The following EFCAB6 variants were observed in gnomAD, a reference collection of about 807,000 sequenced individuals.
The protein encoded by EFCAB6 is EF-hand calcium binding domain 6, also known as EF-hand calcium-binding domain-containing protein 6.
In EFCAB6, 156 loss-of-function variants were observed where a neutral mutation model predicts 169.8. The observed-to-expected ratio is 0.92, with a 90% CI of 0.81 to 1.05. The LOEUF (loss-of-function observed/expected upper bound fraction) is 1.05, where lower values mean the gene tolerates loss of function less well. EFCAB6 is among the 50% of genes least tolerant of loss of function. The pLI, the probability that EFCAB6 is intolerant of heterozygous loss-of-function variation, is 0.00. For synonymous variants in EFCAB6, 698 were observed against 676.4 expected, an observed-to-expected ratio of 1.03 and a Z score of -0.50; for missense variants, 1,800 against 1,829.1, an observed-to-expected ratio of 0.98 and a Z score of 0.29.
At chr22:43,595,504 G>A (rs1361497006) in intron 23 of EFCAB6, among the ~76,000 whole-genome samples, 1 of 151,878 alleles carries the variant, frequency 6.6e-6, no homozygotes, top group African/African-American at 2.4e-5. Flanking sequence ...CTGACAAATG[G>A]GAAAACCTAG....
intron 15 of EFCAB6, 133 bp from the exon 16 acceptor site, chr22:43,669,178 C>T: frequency 2.9e-6 from 2 of 699,054 alleles, no homozygotes; most frequent in Non-Finnish European, 4.3e-6. Context: ...TAAAATGGTA[C>T]AACCACTCCA....
chr22:43,706,230 G>A (rs568022850), intron 10 of EFCAB6, among the ~76,000 whole-genome samples: 29 of 152,160 alleles, frequency 1.9e-4, no homozygotes, highest in Non-Finnish European at 3.2e-4. Flanking sequence ...ATACCACGTG[G>A]GGCAGTCCTT....
At chr22:43,803,869 C>T (rs569398800) in intron 2 of EFCAB6, among the ~76,000 whole-genome samples, 78 of 152,228 alleles carry the variant, frequency 5.1e-4, no homozygotes, top group Non-Finnish European at 9.8e-4. Context: ...CTTCAGAATA[C>T]GCATTTCATT....
chr22:43,745,785 A>G (rs1392390237), intron 6 of EFCAB6, among the ~76,000 whole-genome samples: 1 of 152,250 alleles, frequency 6.6e-6, no homozygotes, highest in Non-Finnish European at 1.5e-5. Flanking sequence ...ATCTTTAATT[A>G]AAGTTTTTCT....
chr22:43,691,180 TA>T (rs2058400734), intron 10 of EFCAB6, among the ~76,000 whole-genome samples: 1 of 152,188 alleles, frequency 6.6e-6, no homozygotes, highest in African/African-American at 2.4e-5. Flanking sequence ...TGGCTTCATG[TA>T]CTACTATTCA....
chr22:43,650,393 G>T lies in EFCAB6; in HGVS notation c.1984-15177C>A, dbSNP rs142232829. On this transcript the variant is annotated intron_variant, in intron 17 of 31. Coordinates refer to ENST00000262726, the MANE Select transcript of EFCAB6 (RefSeq NM_022785.4). Reference sequence around the variant, plus strand: ...TCATTTATTGCCTGCCGCCATCCATGTAAGATGAGACTTCCTCCTCCTTGC... The same window carrying T: ...TCATTTATTGCCTGCCGCCATCCATTTAAGATGAGACTTCCTCCTCCTTGC... Among the ~76,000 whole-genome samples the T allele has an allele frequency of 4.2e-3, 637 of 152,330 alleles. 7 individuals carry two copies. Among genetic ancestry groups the T allele is most frequent in the African/African-American group, 0.015 (607 of 41,576 alleles).
intron 20 of EFCAB6, among the ~76,000 whole-genome samples, chr22:43,624,144 C>T (rs1052921526): frequency 3.9e-5 from 6 of 152,058 alleles, no homozygotes; most frequent in Non-Finnish European, 7.4e-5. Context: ...GGGAATGCCT[C>T]CTTTCAAGGC....
chr22:43,761,497 C>A (rs1050308552), intron 5 of EFCAB6, among the ~76,000 whole-genome samples: 1 of 152,114 alleles, frequency 6.6e-6, no homozygotes, highest in African/African-American at 2.4e-5. Flanking sequence ...TATTTTAGAT[C>A]TACAATCAGA....
intron 22 of EFCAB6, among the ~76,000 whole-genome samples, chr22:43,600,886 C>T (rs906938912): frequency 1.3e-5 from 2 of 152,198 alleles, no homozygotes; most frequent in Non-Finnish European, 2.9e-5. Flanking sequence ...TGGTCTCAAA[C>T]TCCTGACCTC....
chr22:43,805,590 G>A (rs1057236597), intron 2 of EFCAB6, among the ~76,000 whole-genome samples: 1 of 152,232 alleles, frequency 6.6e-6, no homozygotes, highest in Non-Finnish European at 1.5e-5. Flanking sequence ...TGATTAATGG[G>A]TACAAATATA....
rs116059984 is a variant in EFCAB6, at chr22:43,617,818, A to T, written c.2466-1896T>A. 3.8e-3 allele frequency among the ~76,000 whole-genome samples: 585 copies of T among 152,112 alleles called. 2 individuals carry two copies. Among genetic ancestry groups the T allele is most frequent in the African/African-American group, 0.014 (572 of 41,486 alleles). On this transcript the variant is annotated intron_variant, in intron 20 of 31. Coordinates refer to ENST00000262726, the MANE Select transcript of EFCAB6 (RefSeq NM_022785.4). ...AACAAACACACAAGAAAAACAAGTG[A>T]CTCGGCTGGGTGCAGTGGCTCACGC...
chr22:43,681,378 T>C (rs555792902), intron 12 of EFCAB6, among the ~76,000 whole-genome samples: 1 of 152,340 alleles, frequency 6.6e-6, no homozygotes, highest in East Asian at 1.9e-4. Flanking sequence ...TTGAGAATTT[T>C]TGCAACTATA....
intron 8 of EFCAB6, among the ~76,000 whole-genome samples, chr22:43,717,788 C>T (rs1251882019): frequency 2.6e-5 from 4 of 152,010 alleles, no homozygotes; most frequent in African/African-American, 4.8e-5. Flanking sequence ...ACCGAATTCA[C>T]ATGGATAAGG....
intron 5 of EFCAB6, among the ~76,000 whole-genome samples, chr22:43,760,203 C>CAAAAAAAAAAAAAAAAAAA (rs371022953): frequency 1.9e-5 from 2 of 104,604 alleles, no homozygotes; most frequent in Non-Finnish European, 3.7e-5. Flanking sequence ...GACTCTGTCT[C>CAAAAAAAAAAAAAAAAAAA]AAAAAAAAAA....
chr22:43,774,870 C>G (rs992463124), intron 3 of EFCAB6, among the ~76,000 whole-genome samples: 1 of 151,828 alleles, frequency 6.6e-6, no homozygotes, highest in African/African-American at 2.4e-5. Flanking sequence ...TTGGGCTTCA[C>G]GCTCTGGGGT....
chr22:43,714,836 A>G (rs1202947544), intron 9 of EFCAB6, among the ~76,000 whole-genome samples: 4 of 152,208 alleles, frequency 2.6e-5, no homozygotes, highest in Non-Finnish European at 4.4e-5. Context: ...CAAAAAATAA[A>G]TCAAAATAAA....
intron 12 of EFCAB6, 84 bp downstream of exon 12, chr22:43,683,663 T>G: frequency 1.0e-6 from 1 of 963,152 alleles, no homozygotes; most frequent in Non-Finnish European, 1.7e-6. Context: ...TGAACGAATA[T>G]GGAGTTGTTA....
chr22:43,565,360 T>C (rs867623205), intron 26 of EFCAB6, among the ~76,000 whole-genome samples: 15 of 152,350 alleles, frequency 9.8e-5, no homozygotes, highest in African/African-American at 3.4e-4. Context: ...TGAGGGTTTA[T>C]GGTTGCTTGT....
chr22:43,770,904 G>A (rs2147962266), intron 4 of EFCAB6, among the ~76,000 whole-genome samples: 1 of 126,616 alleles, frequency 7.9e-6, no homozygotes, highest in East Asian at 2.5e-4. Flanking sequence ...AAATAGAACT[G>A]TACTTTTTTT....
Sources: gnomAD v4.1 joint callset for allele counts (sites outside exome capture counted in the v4.1 genomes callset) on GRCh38, gnomAD v4.1.1 for gene constraint, MANE v1.5 for transcripts, NCBI Gene and HGNC (gene_info 2026-07-23, HGNC 2026-07-21) for gene names.